The following GABRB1 variants were observed in gnomAD, a reference collection of about 807,000 sequenced individuals.
GABRB1 encodes gamma-aminobutyric acid receptor subunit beta-1.
In GABRB1, 17 loss-of-function variants were observed where a neutral mutation model predicts 51.6. The observed-to-expected ratio is 0.33, with a 90% CI of 0.23 to 0.49. The LOEUF is 0.49. Among genes scored for constraint, GABRB1 ranks in the 20% least tolerant of loss-of-function variants. The probability of loss-of-function intolerance (pLI) is 0.99; values close to 1 mark genes in which losing one functional copy is unlikely to be tolerated. For missense variants in GABRB1, 410 were observed against 600.6 expected (o/e 0.68, Z 3.32); for synonymous variants, 247 against 218.9 (o/e 1.13, Z -1.14).
intron 4 of GABRB1, among the ~76,000 whole-genome samples, chr4:47,166,803 A>T (rs181355552): frequency 2.0e-5 from 3 of 152,108 alleles, no homozygotes; most frequent in Admixed American, 1.3e-4. Context: ...AGCCCTACCG[A>T]TGCCCTCCCT....
chr4:47,103,583 C>T (rs7696916), intron 3 of GABRB1, among the ~76,000 whole-genome samples: 3 of 151,610 alleles, frequency 2.0e-5, no homozygotes, highest in Admixed American at 2.0e-4. Flanking sequence ...ATTCAATGAA[C>T]GTTTAGATTA....
chr4:47,376,417 C>T (rs768871054), intron 5 of GABRB1, among the ~76,000 whole-genome samples: 3 of 152,100 alleles, frequency 2.0e-5, no homozygotes, highest in African/African-American at 4.8e-5. Context: ...GAGGTCGAGA[C>T]GGGCGGATCA....
intron 5 of GABRB1, among the ~76,000 whole-genome samples, chr4:47,387,260 A>C (rs1391452580): frequency 1.3e-5 from 2 of 152,230 alleles, no homozygotes; most frequent in African/African-American, 4.8e-5. Context: ...TCAGAATTCA[A>C]GACCAGCCTG....
chr4:47,036,916 C>A lies in GABRB1; in HGVS notation c.240+4432C>A, dbSNP rs182739346. On this transcript the variant is annotated intron_variant, in intron 3 of 8. Coordinates refer to ENST00000295454, the MANE Select transcript of GABRB1 (RefSeq NM_000812.4). ...AAAAGTAAAGAAAAAAAGAAATGAACTTTTTTTTTCCATTAAAATTTCTTT... is the reference window on the plus strand; with the variant it reads ...AAAAGTAAAGAAAAAAAGAAATGAAATTTTTTTTTCCATTAAAATTTCTTT... 4.0e-5 allele frequency among the ~76,000 whole-genome samples: 6 copies of A among 150,750 alleles called. No individual in the cohort carries two copies. In the East Asian group the frequency reaches 9.7e-4, roughly 24 times the overall value.
intron 3 of GABRB1, among the ~76,000 whole-genome samples, chr4:47,151,873 C>G (rs1267494858): frequency 6.6e-6 from 1 of 151,942 alleles, no homozygotes; most frequent in African/African-American, 2.4e-5. Context: ...GAGATCAGTT[C>G]TTAAAACTTT....
intron 3 of GABRB1, among the ~76,000 whole-genome samples, chr4:47,139,097 A>C (rs971328179): frequency 6.6e-6 from 1 of 152,010 alleles, no homozygotes. Context: ...CCAAGTATAG[A>C]ATAACTTTAA....
chr4:47,047,822 G>T (rs1180415433), intron 3 of GABRB1, among the ~76,000 whole-genome samples: 1 of 152,126 alleles, frequency 6.6e-6, no homozygotes, highest in African/African-American at 2.4e-5. Context: ...AACAGGAAGA[G>T]ATAATGGATT....
intron 3 of GABRB1, among the ~76,000 whole-genome samples, chr4:47,146,015 G>A (rs1717156902): frequency 6.6e-6 from 1 of 151,954 alleles, no homozygotes; most frequent in Admixed American, 6.6e-5. Flanking sequence ...TTCAGGATAG[G>A]GAAATGGGCA....
At chr4:47,314,602 G>T (rs1287635842) in intron 4 of GABRB1, among the ~76,000 whole-genome samples, 3 of 151,846 alleles carry the variant, frequency 2.0e-5, no homozygotes, top group African/African-American at 7.2e-5. Flanking sequence ...ACAAATATTG[G>T]ATTCTAATTT....
intron 1 of GABRB1, among the ~76,000 whole-genome samples, chr4:47,000,788 G>T (rs979071380): frequency 6.6e-6 from 1 of 152,090 alleles, no homozygotes; most frequent in Non-Finnish European, 1.5e-5. Context: ...TTTATATGCC[G>T]GCTGGTTTTC....
chr4:47,410,641 A>G (rs898824156), intron 8 of GABRB1, among the ~76,000 whole-genome samples: 1 of 152,212 alleles, frequency 6.6e-6, no homozygotes, highest in Non-Finnish European at 1.5e-5. Flanking sequence ...TTGATCCCTG[A>G]GCTACAAATG....
chr4:47,007,895 A>ATATATATAT lies in GABRB1; in HGVS notation c.-20+13969_-20+13970insTATATATAT, dbSNP rs375965914. Among the ~76,000 whole-genome samples, 173 of 17,498 alleles carry ATATATATAT rather than the reference A, an allele frequency of 9.9e-3. 5 individuals are homozygous for ATATATATAT. Among genetic ancestry groups the ATATATATAT allele is most frequent in the South Asian group, 0.048 (23 of 476 alleles). The allele number at this position is 17,498 out of a possible 152,430, so 11.5% of individuals were successfully genotyped here. On this transcript the variant is annotated intron_variant, in intron 1 of 3. Coordinates refer to the GABRB1 transcript ENST00000513567. ...ATATATATATATATATATATATATA[A>ATATATATAT]AATCAAGTTTGTATTTTTAAATAGT...
At chr4:47,171,091 GT>G (rs1718418416) in intron 4 of GABRB1, among the ~76,000 whole-genome samples, 2 of 152,078 alleles carry the variant, frequency 1.3e-5, no homozygotes, top group Non-Finnish European at 2.9e-5. Context: ...TAATTATGCA[GT>G]TATTACAGCT....
At chr4:47,382,944 C>T (rs986792215) in intron 5 of GABRB1, among the ~76,000 whole-genome samples, 2 of 152,164 alleles carry the variant, frequency 1.3e-5, no homozygotes, top group African/African-American at 4.8e-5. Flanking sequence ...CATGCCCAGA[C>T]ACAATGCAAT....
intron 4 of GABRB1, among the ~76,000 whole-genome samples, chr4:47,201,087 A>G (rs1448991544): frequency 6.6e-6 from 1 of 152,198 alleles, no homozygotes. Flanking sequence ...ATCTGAATGT[A>G]ACCTCCCTGA....
intron 3 of GABRB1, among the ~76,000 whole-genome samples, chr4:47,084,571 A>G (rs566526909): frequency 4.6e-5 from 7 of 152,348 alleles, no homozygotes; most frequent in South Asian, 2.1e-4. Flanking sequence ...TTCAGTTTCT[A>G]TAATACCTAG....
chr4:47,333,241 C>A (rs1725567323), intron 5 of GABRB1, among the ~76,000 whole-genome samples: 1 of 122,928 alleles, frequency 8.1e-6, no homozygotes, highest in Non-Finnish European at 1.6e-5. Flanking sequence ...TATATACACA[C>A]CACGTATTAA....
chr4:47,382,998 T>C (rs1727647197), intron 5 of GABRB1, among the ~76,000 whole-genome samples: 1 of 152,158 alleles, frequency 6.6e-6, no homozygotes, highest in Non-Finnish European at 1.5e-5. Context: ...CCTACTACAA[T>C]AACCTCTGTG....
chr4:47,150,841 A>T (rs1717412146), intron 3 of GABRB1, among the ~76,000 whole-genome samples: 1 of 152,012 alleles, frequency 6.6e-6, no homozygotes, highest in Admixed American at 6.6e-5. Context: ...AAAGTATTAT[A>T]TATAAAATGA....
Sources: gnomAD v4.1 joint callset for allele counts (sites outside exome capture counted in the v4.1 genomes callset) on GRCh38, gnomAD v4.1.1 for gene constraint, MANE v1.5 for transcripts, NCBI Gene and HGNC (gene_info 2026-07-23, HGNC 2026-07-21) for gene names.